The following ZGRF1 variants were observed in gnomAD, a reference collection of about 807,000 sequenced individuals.
ZGRF1 encodes 5'-3' DNA helicase ZGRF1.
In ZGRF1, 196 loss-of-function variants were observed where a neutral mutation model predicts 203.5. The ratio of observed to expected loss-of-function variants is 0.96; its 90% CI spans 0.86 to 1.08. ZGRF1 has a LOEUF of 1.08. Ranked by LOEUF, ZGRF1 falls within the 50% of genes least tolerant of loss-of-function variation. The pLI is 0.00. For missense variants in ZGRF1, 2,326 were observed against 2,416.3 expected (o/e 0.96, Z 0.78); for synonymous variants, 809 against 841.3 (o/e 0.96, Z 0.66).
At chr4:112,590,372 A>G (rs529110027) in intron 10 of ZGRF1, among the ~76,000 whole-genome samples, 50 of 152,384 alleles carry the variant, frequency 3.3e-4, no homozygotes, top group African/African-American at 1.1e-3. Context: ...TTGTTAGAAC[A>G]GCATTTAATT....
Position 112,606,088 on chromosome 4 carries a change from A to C in ZGRF1, c.2722T>G (p.Ser908Ala), listed in dbSNP as rs1337505447. ...GTCTCTTCTTTACTTCCCGAGGAAG[A>C]GAACTAGGATAAAATATGAATAAGT... ...LSEPLQSVQF[S>A]SSGSKEETAF... The change falls in exon 9 of 28, where the codon TCT becomes GCT. Residue 908 changes from serine to alanine, a missense_variant. By Grantham distance (99) the Ser-to-Ala change is moderately conservative. Transcript: ENST00000505019. 1 of 1,568,980 alleles carries C rather than the reference A, an allele frequency of 6.4e-7. No homozygotes were observed. Among genetic ancestry groups the C allele is most frequent in the Non-Finnish European group, 8.7e-7 (1 of 1,147,344 alleles).
intron 7 of ZGRF1, 30 bp downstream of exon 7, chr4:112,612,494 A>G (rs1444445887): frequency 1.4e-6 from 2 of 1,433,014 alleles, no homozygotes; most frequent in East Asian, 2.3e-5. Context: ...CAAAATAAAA[A>G]AAACATACTC....
chr4:112,568,001 T>C (rs989103998), intron 16 of ZGRF1, among the ~76,000 whole-genome samples: 16 of 151,884 alleles, frequency 1.1e-4, no homozygotes, highest in African/African-American at 3.9e-4. Context: ...AAAAATATAA[T>C]TGATAAATAG....
At chr4:112,565,416 A>C in intron 16 of ZGRF1, 1 of 757,376 alleles carries the variant, frequency 1.3e-6, no homozygotes, top group Non-Finnish European at 2.2e-6. Flanking sequence ...CTATGATGGG[A>C]AACATTTCAT....
chr4:112,618,359 C>A lies in ZGRF1; in HGVS notation c.1683G>T (p.Lys561Asn). The A allele has an allele frequency of 1.2e-6, 2 of 1,613,896 alleles. No homozygotes were observed. The highest frequency in any genetic ancestry group is 1.7e-6 in the Non-Finnish European group (2 of 1,179,912). The change falls in exon 6 of 28, where the codon AAG becomes AAT. Residue 561 changes from lysine to asparagine, a missense_variant. By Grantham distance (94) the Lys-to-Asn change is moderately conservative. Coordinates refer to ENST00000505019, the MANE Select transcript of ZGRF1 (RefSeq NM_018392.5). ...KISQDSESWV[K>N]DILVNDGNSC... ...AATTGCCATCATTAACCAAAATGTC[C>A]TTTACCCAACTCTCTGAATCCTGGG... is the stretch of plus-strand genomic sequence containing the variant.
intron 4 of ZGRF1, among the ~76,000 whole-genome samples, chr4:112,621,526 G>A (rs1043390316): frequency 1.3e-5 from 2 of 151,458 alleles, no homozygotes; most frequent in South Asian, 2.1e-4. Context: ...GGTGGTGCAT[G>A]CCTGTAATCC....
chr4:112,618,970 C>G lies in ZGRF1; in HGVS notation c.1072G>C (p.Asp358His). The G allele has an allele frequency of 6.2e-7, 1 of 1,613,706 alleles. No individual in the cohort carries two copies. The highest frequency in any genetic ancestry group is 8.5e-7 in the Non-Finnish European group (1 of 1,179,852). ...AGGTCTTTCAAATTAGAATTTACAT[C>G]ATCTTCCTGGGCCTTGGGTTTCCTT... Reference protein sequence around the residue: ...TERKPKAQEDDVNSNLKDLSL... With the variant: ...TERKPKAQEDHVNSNLKDLSL... Residue 358 changes from aspartate to histidine, a missense_variant, in exon 6 of 28, where the codon GAT (aspartate) becomes CAT (histidine). Coordinates refer to ENST00000505019, the MANE Select transcript of ZGRF1 (RefSeq NM_018392.5).
chr4:112,635,076 G>T (rs1418177344), intron 1 of ZGRF1, among the ~76,000 whole-genome samples: 2 of 148,932 alleles, frequency 1.3e-5, no homozygotes, highest in African/African-American at 5.0e-5. Flanking sequence ...GTTGCAGTGA[G>T]CAGAGATCAC....
chr4:112,573,308 A>T (rs764816098), intron 16 of ZGRF1, among the ~76,000 whole-genome samples: 4 of 152,138 alleles, frequency 2.6e-5, no homozygotes, highest in Non-Finnish European at 4.4e-5. Flanking sequence ...GGAATGGAAA[A>T]ATCAAACATC....
chr4:112,571,340 C>A (rs547288632), intron 16 of ZGRF1, among the ~76,000 whole-genome samples: 26 of 152,194 alleles, frequency 1.7e-4, no homozygotes, highest in African/African-American at 6.3e-4. Flanking sequence ...CAAGTCAGTT[C>A]TTCGAAAACA....
chr4:112,619,495 T>C lies in ZGRF1; in HGVS notation c.547A>G (p.Lys183Glu), dbSNP rs753800419. The C allele has an allele frequency of 1.0e-4, 163 of 1,613,292 alleles. No individual in the cohort carries two copies. Among genetic ancestry groups the C allele is most frequent in the Non-Finnish European group, 1.3e-4 (158 of 1,179,722 alleles). ...TCCATGGCATTTCTCTCCCTGTTCT[T>C]GTAAGTCACAATGTTCTCAGGGTCT... ...LADPENIVTY[K>E]NRERNAMDFS... The change falls in exon 6 of 28, where the codon AAG becomes GAG. Residue 183 changes from lysine to glutamate, a missense_variant. By Grantham distance (56) the Lys-to-Glu change is moderately conservative. Transcript: ENST00000505019.
rs952500538 is a variant in ZGRF1, at chr4:112,566,060, G to A, written c.4439-2786C>T. On this transcript the variant is annotated intron_variant, in intron 16 of 27. Coordinates refer to ENST00000505019, the MANE Select transcript of ZGRF1 (RefSeq NM_018392.5). ...ACACATGCACACATATGTTTATTAC[G>A]GCACTATTCACAATAGCAAAGACTT... 1.5e-3 allele frequency among the ~76,000 whole-genome samples: 229 copies of A among 152,078 alleles called. 1 individual carries two copies. The highest frequency in any genetic ancestry group is 5.1e-3 in the African/African-American group (210 of 41,482).
chr4:112,560,050 T>C (rs1741672464), intron 19 of ZGRF1, among the ~76,000 whole-genome samples: 1 of 152,176 alleles, frequency 6.6e-6, no homozygotes, highest in Non-Finnish European at 1.5e-5. Context: ...CTACGATCAC[T>C]CTCAGATTTG....
chr4:112,567,751 C>A (rs1578303805), intron 16 of ZGRF1, among the ~76,000 whole-genome samples: 1 of 152,198 alleles, frequency 6.6e-6, no homozygotes, highest in Non-Finnish European at 1.5e-5. Context: ...CATAGCAAGA[C>A]CCCATGGCTA....
At chr4:112,554,804 A>T (rs1290638603) in intron 20 of ZGRF1, 22 bp from the exon 21 acceptor site, 1 of 1,273,278 alleles carries the variant, frequency 7.9e-7, no homozygotes, top group Admixed American at 2.1e-5. Flanking sequence ...AAAACAATAT[A>T]GATTCTGATT....
At chr4:112,567,164 T>C (rs1743265315) in intron 16 of ZGRF1, among the ~76,000 whole-genome samples, 1 of 152,134 alleles carries the variant, frequency 6.6e-6, no homozygotes, top group African/African-American at 2.4e-5. Flanking sequence ...CAGGTAGTTG[T>C]GGTTTTCTGG....
intron 15 of ZGRF1, 113 bp downstream of exon 15, chr4:112,583,865 C>T (rs1410367097): frequency 3.1e-6 from 2 of 637,918 alleles, no homozygotes; most frequent in Non-Finnish European, 5.1e-6. Context: ...TGAGGTATTC[C>T]ATCTTTTAAA....
intron 3 of ZGRF1, among the ~76,000 whole-genome samples, chr4:112,629,399 G>A (rs1392642251): frequency 3.3e-5 from 5 of 152,200 alleles, no homozygotes; most frequent in Admixed American, 6.5e-5. Flanking sequence ...AGCCAGGCGC[G>A]GTGGCTTATG....
chr4:112,592,255 C>T (rs1053343196), intron 10 of ZGRF1, among the ~76,000 whole-genome samples: 6 of 151,800 alleles, frequency 4.0e-5, no homozygotes, highest in Non-Finnish European at 7.4e-5. Flanking sequence ...GTGCCACCAC[C>T]CCAGGCTAAT....
Sources: allele counts gnomAD v4.1 joint callset (sites outside exome capture counted in the v4.1 genomes callset), GRCh38; gene constraint gnomAD v4.1.1; transcripts MANE v1.5; gene names NCBI Gene and HGNC (gene_info 2026-07-23, HGNC 2026-07-21).